NR2F1-AS1: variants seen among roughly 807,000 people sequenced by gnomAD.
The protein encoded by NR2F1-AS1 is NR2F1 antisense RNA 1.
At chr5:93,572,405 G>A (rs1486936728) in intron 1 of NR2F1-AS1, among the ~76,000 whole-genome samples, 1 of 152,210 alleles carries the variant, frequency 6.6e-6, no homozygotes, top group African/African-American at 2.4e-5. Flanking sequence ...AGGGCTCATA[G>A]AGGGGCAGAG....
intron 3 of NR2F1-AS1, among the ~76,000 whole-genome samples, chr5:93,554,279 T>C (rs1339103764): frequency 6.6e-6 from 1 of 152,196 alleles, no homozygotes; most frequent in Non-Finnish European, 1.5e-5. Flanking sequence ...GTTAGAAATA[T>C]TCTCTATACC....
intron 4 of NR2F1-AS1, among the ~76,000 whole-genome samples, chr5:93,456,009 T>C (rs1460619962): frequency 6.6e-6 from 1 of 152,112 alleles, no homozygotes; most frequent in Non-Finnish European, 1.5e-5. Context: ...CTGAATGCTA[T>C]CACCCTAAGA....
At chr5:93,453,269 C>T (rs1269045509) in intron 4 of NR2F1-AS1, among the ~76,000 whole-genome samples, 1 of 151,686 alleles carries the variant, frequency 6.6e-6, no homozygotes, top group African/African-American at 2.4e-5. Context: ...CAGAACAAAA[C>T]ACAAGTAGAA....
At chr5:93,420,631 G>A (rs1394390323) in intron 4 of NR2F1-AS1, among the ~76,000 whole-genome samples, 4 of 152,112 alleles carry the variant, frequency 2.6e-5, no homozygotes, top group African/African-American at 9.7e-5. Flanking sequence ...GAAAATGGAA[G>A]AGACAAAATA....
At chr5:93,565,956 A>T (rs570930769) in intron 1 of NR2F1-AS1, among the ~76,000 whole-genome samples, 12 of 152,092 alleles carry the variant, frequency 7.9e-5, no homozygotes, top group African/African-American at 2.6e-4. Flanking sequence ...GACTATTGAG[A>T]GACATACTTA....
intron 4 of NR2F1-AS1, among the ~76,000 whole-genome samples, chr5:93,464,450 T>G (rs916458343): frequency 1.3e-5 from 2 of 152,226 alleles, no homozygotes; most frequent in South Asian, 4.1e-4. Context: ...ATAGATGTTT[T>G]CAATTACCCT....
At chr5:93,506,079 T>C (rs1053710354) in intron 4 of NR2F1-AS1, among the ~76,000 whole-genome samples, 2 of 152,204 alleles carry the variant, frequency 1.3e-5, no homozygotes. Context: ...TTGCTGCTTA[T>C]AAATTTCTTC....
intron 1 of NR2F1-AS1, among the ~76,000 whole-genome samples, chr5:93,572,447 T>C (rs1752793177): frequency 6.6e-6 from 1 of 152,198 alleles, no homozygotes; most frequent in Non-Finnish European, 1.5e-5. Flanking sequence ...CCCGGCTCCG[T>C]GCTCCTCTTC....
At chr5:93,417,937 G>A (rs1256162905) in intron 4 of NR2F1-AS1, among the ~76,000 whole-genome samples, 1 of 152,108 alleles carries the variant, frequency 6.6e-6, no homozygotes, top group Non-Finnish European at 1.5e-5. Flanking sequence ...TGTCAGAGGG[G>A]GCCACCTGGA....
intron 4 of NR2F1-AS1, among the ~76,000 whole-genome samples, chr5:93,440,193 G>GTCTCTCTCTC (rs374272400): frequency 6.9e-6 from 1 of 143,956 alleles, no homozygotes; most frequent in Non-Finnish European, 1.5e-5. Flanking sequence ...CTCTCTCTCT[G>GTCTCTCTCTC]TCTCTCTCTC....
chr5:93,433,293 A>G (rs1182689425), intron 4 of NR2F1-AS1, among the ~76,000 whole-genome samples: 6 of 152,214 alleles, frequency 3.9e-5, no homozygotes, highest in Admixed American at 3.3e-4. Flanking sequence ...TAGCCAGCCT[A>G]AAACAATCTA....
chr5:93,508,973 A>G (rs1458664016), intron 4 of NR2F1-AS1, among the ~76,000 whole-genome samples: 1 of 152,150 alleles, frequency 6.6e-6, no homozygotes, highest in Non-Finnish European at 1.5e-5. Context: ...CAAAGTTGAT[A>G]ATGATTACAA....
chr5:93,473,878 C>G (rs1750425817), intron 4 of NR2F1-AS1, among the ~76,000 whole-genome samples: 1 of 151,834 alleles, frequency 6.6e-6, no homozygotes, highest in South Asian at 2.1e-4. Context: ...ATTAGCAACT[C>G]TCCAAGATCA....
At chr5:93,540,328 A>G (rs967705899) in intron 4 of NR2F1-AS1, among the ~76,000 whole-genome samples, 1 of 152,268 alleles carries the variant, frequency 6.6e-6, no homozygotes, top group East Asian at 1.9e-4. Context: ...AAAAAGTAAG[A>G]TCTTTCAGAG....
chr5:93,547,969 G>A (rs1752127937), intron 4 of NR2F1-AS1, among the ~76,000 whole-genome samples: 1 of 152,150 alleles, frequency 6.6e-6, no homozygotes, highest in Admixed American at 6.5e-5. Flanking sequence ...CGGAAAAAGG[G>A]AGAGAGAATC....
intron 4 of NR2F1-AS1, among the ~76,000 whole-genome samples, chr5:93,551,875 C>T (rs1752238178): frequency 6.6e-6 from 1 of 152,150 alleles, no homozygotes; most frequent in African/African-American, 2.4e-5. Context: ...TATACATTGA[C>T]TCCAAGAAAC....
At chr5:93,505,018 C>T (rs182583520) in intron 4 of NR2F1-AS1, among the ~76,000 whole-genome samples, 37 of 152,258 alleles carry the variant, frequency 2.4e-4, no homozygotes, top group African/African-American at 3.9e-4. Flanking sequence ...AAGTCCCTTC[C>T]GCCTATAAGC....
At chr5:93,510,835 T>C (rs1751280260) in intron 4 of NR2F1-AS1, among the ~76,000 whole-genome samples, 1 of 152,228 alleles carries the variant, frequency 6.6e-6, no homozygotes, top group African/African-American at 2.4e-5. Flanking sequence ...ACTCAGTGTA[T>C]GACAGAAATG....
rs150818105 is a variant in NR2F1-AS1 at position 93,472,198 on chromosome 5, G to T, written n.639-76656C>A. Among the ~76,000 whole-genome samples the T allele has an allele frequency of 2.4e-3, 359 of 151,910 alleles. 2 individuals are homozygous for T. Among genetic ancestry groups the T allele is most frequent in the Non-Finnish European group, 4.3e-3 (293 of 67,742 alleles). On this transcript the variant is annotated intron_variant and non_coding_transcript_variant, in intron 4 of 5. Transcript: ENST00000660523. ...TCAATGAAGGAAATTACACTGTAAT[G>T]ATGAGATTGTTCGGCTTGCATAAGA...
Sources: allele counts gnomAD v4.1 joint callset (sites outside exome capture counted in the v4.1 genomes callset), GRCh38; gene constraint gnomAD v4.1.1; transcripts MANE v1.5; gene names NCBI Gene and HGNC (gene_info 2026-07-23, HGNC 2026-07-21).